Variants in SPATA17 observed in about 807,000 individuals in gnomAD.
SPATA17 encodes spermatogenesis-associated protein 17.
In SPATA17, 53 loss-of-function variants were observed where a neutral mutation model predicts 62.2. The ratio of observed to expected loss-of-function variants is 0.85; its 90% CI spans 0.68 to 1.07. The LOEUF (loss-of-function observed/expected upper bound fraction) is 1.07. Among genes scored for constraint, SPATA17 ranks in the 50% least tolerant of loss-of-function variants. The probability of loss-of-function intolerance (pLI) is 0.00; values close to 1 mark genes in which losing one functional copy is unlikely to be tolerated. For missense variants in SPATA17, 466 were observed against 425.5 expected, an observed-to-expected ratio of 1.10 and a Z score of -0.84; for synonymous variants, 146 against 146.8, an observed-to-expected ratio of 0.99 and a Z score of 0.04.
At chr1:217,805,679 G>T (rs544367971) in intron 9 of SPATA17, among the ~76,000 whole-genome samples, 1 of 152,252 alleles carries the variant, frequency 6.6e-6, no homozygotes, top group Non-Finnish European at 1.5e-5. Context: ...TGGCCAACAA[G>T]TATATGAGAA....
intron 5 of SPATA17, among the ~76,000 whole-genome samples, chr1:217,697,483 A>C (rs551933432): frequency 1.1e-4 from 17 of 152,302 alleles, no homozygotes; most frequent in Admixed American, 5.2e-4. Context: ...AATATTTCCA[A>C]ATTTATTACA....
chr1:217,763,988 G>A (rs75293430), intron 6 of SPATA17, among the ~76,000 whole-genome samples: 1,659 of 152,022 alleles, frequency 0.011, 23 homozygotes, highest in African/African-American at 0.038. Flanking sequence ...TACTGCCTTC[G>A]GCTACACATG....
At chr1:217,803,701 T>A (rs1397809384) in intron 9 of SPATA17, among the ~76,000 whole-genome samples, 1 of 152,130 alleles carries the variant, frequency 6.6e-6, no homozygotes, top group Non-Finnish European at 1.5e-5. Flanking sequence ...AAAATCCCAA[T>A]GTCATTTTTC....
At chr1:217,681,461 C>T (rs1338665716) in intron 4 of SPATA17, among the ~76,000 whole-genome samples, 9 of 151,870 alleles carry the variant, frequency 5.9e-5, no homozygotes, top group Non-Finnish European at 1.3e-4. Flanking sequence ...GCAACCTCTG[C>T]CTCCCCGGTT....
chr1:217,757,376 CCT>C (rs1216637464), intron 6 of SPATA17, among the ~76,000 whole-genome samples: 2 of 152,142 alleles, frequency 1.3e-5, no homozygotes, highest in South Asian at 2.1e-4. Context: ...AAATCTACCC[CCT>C]GTCAGGGACA....
chr1:217,721,569 C>T (rs144862594), intron 5 of SPATA17, among the ~76,000 whole-genome samples: 227 of 152,294 alleles, frequency 1.5e-3, no homozygotes, highest in African/African-American at 4.9e-3. Context: ...AATGACTCCT[C>T]GCACAAGGTT....
At chr1:217,637,017 GA>G (rs1669957739) in intron 1 of SPATA17, among the ~76,000 whole-genome samples, 1 of 152,170 alleles carries the variant, frequency 6.6e-6, no homozygotes, top group African/African-American at 2.4e-5. Context: ...AGTGGCTGAG[GA>G]AGAGGGCAAG....
At chr1:217,716,046 A>G (rs1268240002) in intron 5 of SPATA17, among the ~76,000 whole-genome samples, 1 of 152,196 alleles carries the variant, frequency 6.6e-6, no homozygotes, top group Non-Finnish European at 1.5e-5. Flanking sequence ...TATAATGACT[A>G]ACTGGCAGCT....
At chr1:217,863,735 G>C (rs534066317) in intron 10 of SPATA17, among the ~76,000 whole-genome samples, 1 of 152,246 alleles carries the variant, frequency 6.6e-6, no homozygotes, top group South Asian at 2.1e-4. Context: ...TTTTAGAATA[G>C]AGCAGTGGTT....
At chr1:217,643,885 T>C (rs753742063) in intron 1 of SPATA17, among the ~76,000 whole-genome samples, 4 of 151,956 alleles carry the variant, frequency 2.6e-5, no homozygotes, top group Non-Finnish European at 5.9e-5. Context: ...CCCACCATCA[T>C]GTCTGGCTAA....
chr1:217,799,828 T>C (rs1406004861), intron 8 of SPATA17, among the ~76,000 whole-genome samples: 1 of 152,068 alleles, frequency 6.6e-6, no homozygotes, highest in Non-Finnish European at 1.5e-5. Flanking sequence ...AATTTTGGCA[T>C]ATAGTAATGG....
chr1:217,686,887 T>C (rs528773075), intron 5 of SPATA17, among the ~76,000 whole-genome samples: 2 of 152,196 alleles, frequency 1.3e-5, no homozygotes, highest in South Asian at 4.2e-4. Context: ...TCTGGATAAT[T>C]TTTGTATTTT....
intron 9 of SPATA17, among the ~76,000 whole-genome samples, chr1:217,822,448 C>T (rs973688974): frequency 4.0e-5 from 6 of 151,068 alleles, no homozygotes; most frequent in Non-Finnish European, 7.4e-5. Context: ...TATATGAACT[C>T]TTCCTTTAGG....
chr1:217,736,989 C>T (rs1001169617), intron 5 of SPATA17, among the ~76,000 whole-genome samples: 2 of 152,014 alleles, frequency 1.3e-5, no homozygotes, highest in Non-Finnish European at 2.9e-5. Context: ...CATTTGCGTG[C>T]TTTGGAAAAC....
At chr1:217,799,654 T>C (rs1674255739) in intron 8 of SPATA17, among the ~76,000 whole-genome samples, 1 of 151,964 alleles carries the variant, frequency 6.6e-6, no homozygotes, top group Non-Finnish European at 1.5e-5. Flanking sequence ...AAGAATTAAT[T>C]TATTAATAAA....
intron 3 of SPATA17, among the ~76,000 whole-genome samples, chr1:217,655,061 A>T (rs1670411598): frequency 6.6e-6 from 1 of 152,128 alleles, no homozygotes; most frequent in Admixed American, 6.5e-5. Context: ...TCTGTACAAA[A>T]CTATTTGCTA....
chr1:217,870,239 CAG>C lies in SPATA17; in HGVS notation c.*3222_*3223del, dbSNP rs1437102249. The stretch of plus-strand genomic sequence containing the variant: ...CTGTTCTTCCAGAGAAGGTGGTACT[CAG>C]ATAAAAACTTTGAAGCATTTTATTG... On this transcript the variant is annotated 3_prime_UTR_variant, in exon 11 of 11. Transcript: ENST00000366933. 3 of 152,052 alleles carry C rather than the reference CAG, an allele frequency of 2.0e-5. No homozygotes were observed. The East Asian group carries it at 5.8e-4, about 29-fold the overall frequency. The allele number at this position is 152,052 out of a possible 1,614,324, so 9.4% of individuals were successfully genotyped here.
At chr1:217,842,098 T>C (rs1053296089) in intron 9 of SPATA17, among the ~76,000 whole-genome samples, 3 of 151,958 alleles carry the variant, frequency 2.0e-5, no homozygotes, top group Admixed American at 2.0e-4. Context: ...TGATTACTTT[T>C]TTATTCTGTT....
At chr1:217,636,384 A>G (rs898184728) in intron 1 of SPATA17, among the ~76,000 whole-genome samples, 1 of 149,568 alleles carries the variant, frequency 6.7e-6, no homozygotes, top group African/African-American at 2.4e-5. Context: ...AGGACACTGA[A>G]CAAAATTATT....
Sources: gnomAD v4.1 joint callset for allele counts (sites outside exome capture counted in the v4.1 genomes callset) on GRCh38, gnomAD v4.1.1 for gene constraint, MANE v1.5 for transcripts, NCBI Gene and HGNC (gene_info 2026-07-23, HGNC 2026-07-21) for gene names.